STMN4: variants seen among roughly 807,000 people sequenced by gnomAD.
STMN4 encodes the protein stathmin 4.
In STMN4, 12 loss-of-function variants were observed where a neutral mutation model predicts 29.1. The ratio of observed to expected loss-of-function variants is 0.41; its 90% CI spans 0.26 to 0.67. STMN4 has a LOEUF of 0.67. Ranked by LOEUF, STMN4 falls within the 30% of genes least tolerant of loss-of-function variation. The pLI is 0.30. For missense variants in STMN4, 181 were observed against 262.8 expected (o/e 0.69, Z 2.15); for synonymous variants, 114 against 105.3 (o/e 1.08, Z -0.51).
At chr8:27,246,964 G>A (rs936786278) in intron 1 of STMN4, among the ~76,000 whole-genome samples, 1 of 152,076 alleles carries the variant, frequency 6.6e-6, no homozygotes, top group Non-Finnish European at 1.5e-5. Flanking sequence ...TCCTCAAAAT[G>A]ATCTATGTGG....
chr8:27,257,550 C>T lies in STMN4; in HGVS notation c.-79+801G>A, dbSNP rs563141375. ...TTCAGGACAACAAGACTCCACCACACCTGATTGTGTCTTCCTGGGAGAAAT... is the reference window on the plus strand; with the variant it reads ...TTCAGGACAACAAGACTCCACCACATCTGATTGTGTCTTCCTGGGAGAAAT... On this transcript the variant is annotated intron_variant, in intron 1 of 6. Transcript: ENST00000350889. Among the ~76,000 whole-genome samples the T allele has an allele frequency of 8.3e-4, 127 of 152,104 alleles. 1 individual carries two copies. The highest frequency in any genetic ancestry group is 2.8e-3 in the African/African-American group (118 of 41,504).
In STMN4 at chr8:27,236,743, C is replaced by T. The variant is rs556247800; in HGVS notation, c.*103G>A. ...ACGCCCCTTGGCCACCCCCCTCCCC[C>T]CAAACCCCAGTGCTGGGAGCGCAGC... is the stretch of plus-strand genomic sequence containing the variant. On this transcript the variant is annotated 3_prime_UTR_variant, in exon 7 of 7. Transcript: ENST00000350889. 1.7e-5 allele frequency: 20 copies of T among 1,154,494 alleles called. No individual in the cohort carries two copies. The highest frequency in any genetic ancestry group is 1.1e-4 in the East Asian group (4 of 34,808). The allele number at this position is 1,154,494 out of a possible 1,614,324, so 71.5% of individuals were successfully genotyped here.
intron 1 of STMN4, among the ~76,000 whole-genome samples, chr8:27,247,273 A>AAAAG (rs59895523): frequency 6.6e-6 from 1 of 150,676 alleles, no homozygotes; most frequent in African/African-American, 2.4e-5. Flanking sequence ...AAAAAAAAAA[A>AAAAG]GATGATCTAT....
At position 27,238,552 on chromosome 8, in the gene STMN4, G is replaced by T. The variant is rs1189208412; in HGVS notation, c.591+1419C>A. ...TGCCTCTGAATCTACCTCCATTCTT[G>T]GGTGAGCTCACTGGGCAGAGCCCTA... On this transcript the variant is annotated intron_variant, in intron 6 of 6. Coordinates refer to ENST00000350889, the MANE Select transcript of STMN4 (RefSeq NM_030795.4). Among the ~76,000 whole-genome samples, 42 of 152,110 alleles carry T rather than the reference G, an allele frequency of 2.8e-4. 1 individual carries two copies. The highest frequency in any genetic ancestry group is 2.8e-3 in the Admixed American group (42 of 15,272).
chr8:27,243,760 TAC>T lies in STMN4; in HGVS notation c.-39_-38del. 6.2e-7 allele frequency: 1 copy of T among 1,614,206 alleles called. No individual in the cohort carries two copies. Among genetic ancestry groups the T allele is most frequent in the South Asian group, 1.1e-5 (1 of 91,088 alleles). On this transcript the variant is annotated 5_prime_UTR_variant, in exon 2 of 7. Transcript: ENST00000350889. ...CTGGTGGCTGAATCTAGCTGAAAGT[TAC>T]AGAGTGGGTCTGTCACCAGCTTGGG... is the stretch of plus-strand genomic sequence containing the variant.
chr8:27,238,302 C>T (rs1801367594), intron 6 of STMN4, among the ~76,000 whole-genome samples: 1 of 152,204 alleles, frequency 6.6e-6, no homozygotes, highest in East Asian at 1.9e-4. Context: ...TGTCCCTGGC[C>T]TGGTGCACAG....
chr8:27,251,774 T>TA (rs1355351095), intron 1 of STMN4, among the ~76,000 whole-genome samples: 10 of 149,636 alleles, frequency 6.7e-5, no homozygotes, highest in Non-Finnish European at 1.5e-4. Flanking sequence ...AATCTACATT[T>TA]AAAAAAAATT....
chr8:27,241,843 A>G (rs1801484800), intron 3 of STMN4, 86 bp from the exon 4 acceptor site: 1 of 1,513,210 alleles, frequency 6.6e-7, no homozygotes, highest in Admixed American at 1.7e-5. Context: ...GCTTCTAACC[A>G]GGACATTAGG....
intron 1 of STMN4, among the ~76,000 whole-genome samples, chr8:27,256,379 A>T (rs1156329101): frequency 4.7e-5 from 7 of 148,954 alleles, no homozygotes; most frequent in African/African-American, 7.5e-5. Flanking sequence ...GTTAAAAATT[A>T]AAAAAAAAAG....
At chr8:27,254,919 GT>G (rs1417570940) in intron 1 of STMN4, among the ~76,000 whole-genome samples, 1 of 151,402 alleles carries the variant, frequency 6.6e-6, no homozygotes, top group Non-Finnish European at 1.5e-5. Context: ...AGGGGATGGA[GT>G]GGGAGCACTC....
At chr8:27,242,989 C>A (rs946585278) in intron 2 of STMN4, among the ~76,000 whole-genome samples, 2 of 152,176 alleles carry the variant, frequency 1.3e-5, no homozygotes, top group African/African-American at 4.8e-5. Context: ...CTCACAAGGT[C>A]AGGCTATAAG....
intron 1 of STMN4, among the ~76,000 whole-genome samples, chr8:27,245,826 A>G (rs767980906): frequency 1.3e-5 from 2 of 152,230 alleles, no homozygotes; most frequent in Non-Finnish European, 2.9e-5. Context: ...ATGTGCCTCC[A>G]GCCCGAGCTA....
rs370072176 is a variant in STMN4 at position 27,236,897 on chromosome 8, G to A, written c.600C>T (p.His200=). ...CCTTGTTTTTCCGCACCTCCTCGGC[G>A]TGCTTGTCCTGGAAAGGAAGGGAGG... ...MLERLQEKDK[H]AEEVRKNKEL... is the part of the protein sequence containing the mutation. The change falls in exon 7 of 7, where the codon CAC becomes CAT. Residue 200 remains histidine, a synonymous_variant. Coordinates refer to ENST00000350889, the MANE Select transcript of STMN4 (RefSeq NM_030795.4). The A allele has an allele frequency of 4.0e-5, 64 of 1,607,560 alleles. No homozygotes were observed. Among genetic ancestry groups the A allele is most frequent in the Middle Eastern group, 1.7e-4 (1 of 6,056 alleles).
chr8:27,254,770 G>A (rs1399062858), intron 1 of STMN4, among the ~76,000 whole-genome samples: 6 of 131,864 alleles, frequency 4.6e-5, no homozygotes, highest in Non-Finnish European at 9.5e-5. Context: ...TGGAGTGGGA[G>A]CACTCACATC....
At chr8:27,247,222 T>TCC (rs1801650038) in intron 1 of STMN4, among the ~76,000 whole-genome samples, 1 of 134,696 alleles carries the variant, frequency 7.4e-6, no homozygotes. Flanking sequence ...GCCACTGAAC[T>TCC]CCAGCCTGGG....
rs1225507661 is a variant in STMN4 at position 27,236,085 on chromosome 8, C to G, written c.*761G>C. The G allele has an allele frequency of 6.6e-6, 1 of 151,986 alleles. No individual in the cohort carries two copies. Among genetic ancestry groups the G allele is most frequent in the Non-Finnish European group, 1.5e-5 (1 of 67,992 alleles). 9.4% of individuals were successfully genotyped at this position (151,986 alleles called of 1,614,324 possible). On this transcript the variant is annotated 3_prime_UTR_variant, in exon 7 of 7. Transcript: ENST00000350889. ...TGCATGCTATCCAATAAAGATTAGC[C>G]CACAGAGGGGATTTTAAAAAACAGA...
intron 1 of STMN4, among the ~76,000 whole-genome samples, chr8:27,247,435 G>A (rs893488180): frequency 1.3e-5 from 2 of 152,206 alleles, no homozygotes; most frequent in Non-Finnish European, 1.5e-5. Context: ...AGGGCACAGA[G>A]ATGAAAGGAG....
chr8:27,250,459 T>C (rs917257017), intron 1 of STMN4, among the ~76,000 whole-genome samples: 4 of 152,212 alleles, frequency 2.6e-5, no homozygotes, highest in Non-Finnish European at 5.9e-5. Context: ...GGTCCCTGGA[T>C]GGGTATCTAG....
At position 27,243,789 on chromosome 8, in the gene STMN4, C is replaced by A; in HGVS notation, c.-66G>T. On this transcript the variant is annotated 5_prime_UTR_variant, in exon 2 of 7. Transcript: ENST00000350889. ...GAGTGGGTCTGTCACCAGCTTGGGA[C>A]GCTGTCACCAACCTGAGAAAAGGGG... 1.2e-6 allele frequency: 2 copies of A among 1,614,066 alleles called. No homozygotes were observed. The highest frequency in any genetic ancestry group is 1.7e-6 in the Non-Finnish European group (2 of 1,179,972).
Sources: gnomAD v4.1 joint callset for allele counts (sites outside exome capture counted in the v4.1 genomes callset) on GRCh38, gnomAD v4.1.1 for gene constraint, MANE v1.5 for transcripts, NCBI Gene and HGNC (gene_info 2026-07-23, HGNC 2026-07-21) for gene names.